The following NPAS3 variants were observed in gnomAD, a reference collection of about 807,000 sequenced individuals.
NPAS3 encodes the protein neuronal PAS domain protein 3.
Under a neutral mutation model 73.1 loss-of-function variants are expected in NPAS3, and 14 were observed. The observed-to-expected ratio is 0.19, with a 90% CI of 0.13 to 0.30. The LOEUF (loss-of-function observed/expected upper bound fraction) is 0.30. NPAS3 is among the 10% of genes least tolerant of loss of function. The pLI, the probability that NPAS3 is intolerant of heterozygous loss-of-function variation, is 1.00. For missense variants in NPAS3, 1,096 were observed against 1,250.0 expected (o/e 0.88, Z 1.86); for synonymous variants, 620 against 541.5 (o/e 1.14, Z -2.01).
intron 2 of NPAS3, among the ~76,000 whole-genome samples, chr14:33,161,422 G>T (rs1271499398): frequency 6.6e-6 from 1 of 152,198 alleles, no homozygotes; most frequent in Non-Finnish European, 1.5e-5. Flanking sequence ...TTAGTGAAAA[G>T]AAGTTAAAAC....
intron 3 of NPAS3, among the ~76,000 whole-genome samples, chr14:33,322,429 C>T (rs564185141): frequency 6.6e-6 from 1 of 150,834 alleles, no homozygotes; most frequent in African/African-American, 2.5e-5. Context: ...TGAGCAATTA[C>T]GTTTTTGCTA....
chr14:33,472,998 C>T (rs4362291), intron 4 of NPAS3, among the ~76,000 whole-genome samples: 1 of 143,388 alleles, frequency 7.0e-6, no homozygotes, highest in Non-Finnish European at 1.5e-5. Context: ...AAATTTCCTG[C>T]GGGGGGAACT....
chr14:33,292,782 A>C (rs988131216), intron 3 of NPAS3, among the ~76,000 whole-genome samples: 5 of 152,196 alleles, frequency 3.3e-5, no homozygotes, highest in Admixed American at 6.5e-5. Flanking sequence ...TGGCTAAAGT[A>C]CATGATTTCT....
chr14:33,545,194 G>GC (rs996974683), intron 4 of NPAS3, among the ~76,000 whole-genome samples: 19 of 151,850 alleles, frequency 1.3e-4, no homozygotes, highest in Non-Finnish European at 2.6e-4. Context: ...TGACTATTGA[G>GC]TTTTTTTCTT....
At chr14:33,235,802 A>ATTTTTTTTTTTT (rs1370210170) in intron 3 of NPAS3, among the ~76,000 whole-genome samples, 1 of 65,900 alleles carries the variant, frequency 1.5e-5, no homozygotes, top group African/African-American at 5.0e-5. Flanking sequence ...TGTTGATACA[A>ATTTTTTTTTTTT]TTCTTTTTTT....
intron 7 of NPAS3, among the ~76,000 whole-genome samples, chr14:33,769,796 GCT>G (rs1318103151): frequency 1.1e-5 from 1 of 88,560 alleles, no homozygotes; most frequent in Non-Finnish European, 2.0e-5. Flanking sequence ...ACAAGATCTT[GCT>G]CTGTCATCCA....
chr14:33,658,801 C>G (rs767166740), intron 5 of NPAS3, among the ~76,000 whole-genome samples: 10 of 152,116 alleles, frequency 6.6e-5, no homozygotes, highest in African/African-American at 2.4e-4. Flanking sequence ...ATCTTCATCC[C>G]CCACTAATAG....
intron 6 of NPAS3, among the ~76,000 whole-genome samples, chr14:33,730,537 G>A (rs753069235): frequency 6.6e-6 from 1 of 152,182 alleles, no homozygotes; most frequent in Non-Finnish European, 1.5e-5. Context: ...CAGGAAAAGA[G>A]AAAGCAGCAC....
At chr14:32,999,123 CT>C (rs1263092853) in intron 1 of NPAS3, among the ~76,000 whole-genome samples, 9 of 152,110 alleles carry the variant, frequency 5.9e-5, no homozygotes, top group African/African-American at 2.2e-4. Context: ...TTAATTTCAG[CT>C]GTTGATTGTG....
At chr14:33,721,149 A>C (rs1475474912) in intron 6 of NPAS3, among the ~76,000 whole-genome samples, 1 of 152,196 alleles carries the variant, frequency 6.6e-6, no homozygotes, top group African/African-American at 2.4e-5. Flanking sequence ...TTTTTAAAGT[A>C]AGTGAATTCT....
At chr14:33,125,391 T>A (rs866674490) in intron 2 of NPAS3, among the ~76,000 whole-genome samples, 4 of 152,214 alleles carry the variant, frequency 2.6e-5, no homozygotes, top group Middle Eastern at 6.8e-3. Context: ...TGATGGGAGA[T>A]ATTTTCTCAG....
chr14:33,181,722 G>A (rs2045805255), intron 2 of NPAS3, among the ~76,000 whole-genome samples: 1 of 152,094 alleles, frequency 6.6e-6, no homozygotes, highest in Non-Finnish European at 1.5e-5. Context: ...AGTAATTCAA[G>A]TGACAAAAGT....
intron 2 of NPAS3, among the ~76,000 whole-genome samples, chr14:33,088,533 C>T (rs535561883): frequency 3.5e-4 from 53 of 152,298 alleles, no homozygotes; most frequent in South Asian, 1.9e-3. Flanking sequence ...GTAAACAAAG[C>T]GGCCAGGAAA....
chr14:33,164,523 C>A (rs1802037286), intron 2 of NPAS3, among the ~76,000 whole-genome samples: 1 of 151,710 alleles, frequency 6.6e-6, no homozygotes, highest in South Asian at 2.1e-4. Flanking sequence ...TTAAAATCTT[C>A]TTCAAATGAA....
intron 7 of NPAS3, among the ~76,000 whole-genome samples, chr14:33,767,774 T>A (rs2062512863): frequency 6.6e-6 from 1 of 152,192 alleles, no homozygotes; most frequent in South Asian, 2.1e-4. Context: ...GAAAGGAGAA[T>A]AGCTTCCAGA....
chr14:32,955,528 A>G (rs1287508235), intron 1 of NPAS3, among the ~76,000 whole-genome samples: 1 of 152,154 alleles, frequency 6.6e-6, no homozygotes, highest in Non-Finnish European at 1.5e-5. Flanking sequence ...CGAAAACTCA[A>G]GATATCCATA....
In NPAS3 at chr14:33,055,898, T is replaced by G; in HGVS notation, c.51-7T>G. On this transcript the variant is annotated splice_region_variant and splice_polypyrimidine_tract_variant and intron_variant, in intron 1 of 11. Coordinates refer to ENST00000356141, the Ensembl canonical transcript of NPAS3. ...GTCATGTCTATCTGTTTTTGATGCC[T>G]CTACAGAATAACTGCCCAGCATCCT... The G allele has an allele frequency of 1.2e-6, 1 of 807,814 alleles. No individual in the cohort carries two copies. The highest frequency in any genetic ancestry group is 2.1e-6 in the Non-Finnish European group (1 of 466,312). The allele number at this position is 807,814 out of a possible 1,614,324, so 50.0% of individuals were successfully genotyped here.
At chr14:33,482,513 T>C (rs1267082271) in intron 4 of NPAS3, among the ~76,000 whole-genome samples, 1 of 152,168 alleles carries the variant, frequency 6.6e-6, no homozygotes, top group African/African-American at 2.4e-5. Context: ...AGTTGAAACG[T>C]GGTGGAGATA....
At position 33,004,817 on chromosome 14, in the gene NPAS3, C is replaced by CTTTT; in HGVS notation, c.51-51072_51-51069dup. 6.3e-4 allele frequency among the ~76,000 whole-genome samples: 40 copies of CTTTT among 63,998 alleles called. 2 individuals are homozygous for CTTTT. The highest frequency in any genetic ancestry group is 8.4e-4 in the African/African-American group (19 of 22,490). The allele number at this position is 63,998 out of a possible 152,430, so 42.0% of individuals were successfully genotyped here. On this transcript the variant is annotated intron_variant, in intron 1 of 11. Transcript: ENST00000356141. ...CTTTTTTCTATTGTAAAAAGTTTTC[C>CTTTT]TTTTTTTTTTTTTTTTTTTAGTTTT...
Sources: gnomAD v4.1 joint callset for allele counts (sites outside exome capture counted in the v4.1 genomes callset) on GRCh38, gnomAD v4.1.1 for gene constraint, MANE v1.5 for transcripts, NCBI Gene and HGNC (gene_info 2026-07-23, HGNC 2026-07-21) for gene names.